The following DCC variants were observed in gnomAD, a reference collection of about 807,000 sequenced individuals.
DCC encodes the protein netrin receptor DCC.
Under a neutral mutation model 172.5 loss-of-function variants are expected in DCC, and 58 were observed. The ratio of observed to expected loss-of-function variants is 0.34; its 90% confidence interval spans 0.27 to 0.42. DCC has a LOEUF of 0.42. Among genes scored for constraint, DCC ranks in the 10% least tolerant of loss-of-function variants. DCC has a pLI of 1.00. For missense variants in DCC, 1,740 were observed against 1,791.0 expected, an observed-to-expected ratio of 0.97 and a Z score of 0.51; for synonymous variants, 709 against 644.5, an observed-to-expected ratio of 1.10 and a Z score of -1.52.
At chr18:53,229,068 A>C (rs2056083666) in intron 12 of DCC, among the ~76,000 whole-genome samples, 1 of 152,178 alleles carries the variant, frequency 6.6e-6, no homozygotes, top group Admixed American at 6.6e-5. Flanking sequence ...TAGGTCTTTA[A>C]GCCAGAAACT....
intron 7 of DCC, among the ~76,000 whole-genome samples, chr18:53,107,327 A>G (rs753057649): frequency 6.6e-6 from 1 of 151,880 alleles, no homozygotes; most frequent in African/African-American, 2.4e-5. Context: ...GTCTTATGTG[A>G]TAGAAGTAGA....
chr18:52,489,757 A>G (rs140973583), intron 1 of DCC, among the ~76,000 whole-genome samples: 2 of 152,120 alleles, frequency 1.3e-5, no homozygotes, highest in Admixed American at 1.3e-4. Flanking sequence ...GACAGGACTC[A>G]CAGAACATAG....
chr18:52,413,499 A>G (rs1463244542), intron 1 of DCC, among the ~76,000 whole-genome samples: 2 of 151,986 alleles, frequency 1.3e-5, no homozygotes, highest in African/African-American at 4.8e-5. Flanking sequence ...ATATGTAGAG[A>G]TAAATATTTG....
chr18:52,786,490 T>C (rs1348368149), intron 2 of DCC, among the ~76,000 whole-genome samples: 1 of 152,118 alleles, frequency 6.6e-6, no homozygotes, highest in Non-Finnish European at 1.5e-5. Flanking sequence ...TAGGACCATG[T>C]TGTTTGTAGA....
intron 3 of DCC, among the ~76,000 whole-genome samples, chr18:52,913,212 A>G (rs752285297): frequency 1.3e-5 from 2 of 152,094 alleles, no homozygotes; most frequent in African/African-American, 2.4e-5. Flanking sequence ...CCAATGTGCA[A>G]TAACCAAGGT....
At chr18:53,177,265 G>T (rs1426101759) in intron 8 of DCC, among the ~76,000 whole-genome samples, 3 of 151,870 alleles carry the variant, frequency 2.0e-5, no homozygotes, top group Admixed American at 6.6e-5. Flanking sequence ...CACCAGCATG[G>T]CACATGTATA....
At chr18:52,875,517 A>G (rs545623056) in intron 2 of DCC, among the ~76,000 whole-genome samples, 2 of 152,334 alleles carry the variant, frequency 1.3e-5, no homozygotes, top group Non-Finnish European at 2.9e-5. Context: ...GTTACGTAGA[A>G]TGGTGGTCTC....
At position 53,335,366 on chromosome 18, in the gene DCC, C is replaced by A. The variant is rs780570430; in HGVS notation, c.2165-4347C>A. Among the ~76,000 whole-genome samples the A allele has an allele frequency of 2.8e-4, 42 of 152,222 alleles. No homozygotes were observed. In the South Asian group the frequency reaches 6.8e-3, roughly 25 times the overall value. On this transcript the variant is annotated intron_variant, in intron 14 of 28. Coordinates refer to ENST00000442544, the MANE Select transcript of DCC (RefSeq NM_005215.4). ...TTATGTTTTGTCTTTCCTCTCCCAC[C>A]ACTATATTTTTAGTACCTAGAACTA... is the stretch of plus-strand genomic sequence containing the variant.
At chr18:53,401,606 G>GAATTAGAGACTGATTTCT (rs143331530) in intron 18 of DCC, among the ~76,000 whole-genome samples, 63,896 of 151,370 alleles carry the variant, frequency 0.42, 15,226 homozygotes, top group Non-Finnish European at 0.55. Context: ...GATGAGTTCA[G>GAATTAGAGACTGATTTCT]AATTAGAGAC....
At chr18:53,204,369 C>A (rs1051994103) in intron 9 of DCC, among the ~76,000 whole-genome samples, 1 of 151,922 alleles carries the variant, frequency 6.6e-6, no homozygotes, top group Non-Finnish European at 1.5e-5. Flanking sequence ...TAGTGAGACC[C>A]AGTATCTACA....
rs533696530 is a variant in DCC, at chr18:52,991,382, A to G, written c.985+66012A>G. Among the ~76,000 whole-genome samples, 3 of 152,346 alleles carry G rather than the reference A, an allele frequency of 2.0e-5. No individual in the cohort carries two copies. The East Asian group carries it at 5.8e-4, about 29-fold the overall frequency. On this transcript the variant is annotated intron_variant, in intron 5 of 28. Coordinates refer to ENST00000442544, the MANE Select transcript of DCC (RefSeq NM_005215.4). ...AAGTTATGTTGGACAGAGAATAGAT[A>G]TTACCACACACTTATTGGCAGATTG...
intron 1 of DCC, among the ~76,000 whole-genome samples, chr18:52,410,406 TG>T (rs1986804554): frequency 6.6e-6 from 1 of 152,136 alleles, no homozygotes; most frequent in Non-Finnish European, 1.5e-5. Context: ...CATTCCAGCT[TG>T]GGTTATAGAG....
In DCC at chr18:53,215,591, T is replaced by A; in HGVS notation, c.1905T>A (p.Asn635Lys). 2 of 1,613,430 alleles carry A rather than the reference T, an allele frequency of 1.2e-6. No individual in the cohort carries two copies. The highest frequency in any genetic ancestry group is 8.5e-7 in the Non-Finnish European group (1 of 1,179,408). The change falls in exon 12 of 29, where the codon AAT becomes AAA. Residue 635 changes from asparagine (N) to lysine (K), a missense_variant. By Grantham distance (94) the Asn-to-Lys change is moderately conservative (BLOSUM62 0). Coordinates refer to ENST00000442544, the MANE Select transcript of DCC (RefSeq NM_005215.4). ...AGAACGTCTCCCTGGAAGTGGTCAA[T>A]TCAAGAGTAAGTTGGCTAAATGTTC... ...PPQNVSLEVV[N>K]SRSIKVSWLP... is the part of the protein sequence containing the mutation.
intron 2 of DCC, among the ~76,000 whole-genome samples, chr18:52,822,544 C>T (rs756197874): frequency 6.6e-6 from 1 of 152,208 alleles, no homozygotes; most frequent in Non-Finnish European, 1.5e-5. Flanking sequence ...TAAGCCCCTG[C>T]AACAGCCAAA....
intron 1 of DCC, among the ~76,000 whole-genome samples, chr18:52,738,659 T>G (rs1431154973): frequency 6.6e-6 from 1 of 152,118 alleles, no homozygotes; most frequent in African/African-American, 2.4e-5. Context: ...ATTTTAAAAA[T>G]TATTTTCTTC....
chr18:52,523,597 G>A (rs2031888239), intron 1 of DCC, among the ~76,000 whole-genome samples: 1 of 152,138 alleles, frequency 6.6e-6, no homozygotes, highest in African/African-American at 2.4e-5. Context: ...TTCAAAAGCT[G>A]CATTAACTCT....
chr18:53,063,034 T>C (rs892787757), intron 5 of DCC, among the ~76,000 whole-genome samples: 5 of 152,218 alleles, frequency 3.3e-5, no homozygotes, highest in African/African-American at 1.2e-4. Flanking sequence ...TTCAGAATGT[T>C]TATTATGTAT....
intron 2 of DCC, among the ~76,000 whole-genome samples, chr18:52,878,263 A>G (rs768648988): frequency 1.2e-4 from 19 of 152,194 alleles, no homozygotes; most frequent in Non-Finnish European, 2.1e-4. Context: ...AATACATTCT[A>G]TAAAACCTAA....
intron 9 of DCC, among the ~76,000 whole-genome samples, chr18:53,194,840 A>G (rs570907222): frequency 6.6e-6 from 1 of 152,292 alleles, no homozygotes; most frequent in East Asian, 1.9e-4. Flanking sequence ...ATGGAATGCT[A>G]TGTTTTCCAT....
Sources: gnomAD v4.1 joint callset for allele counts (sites outside exome capture counted in the v4.1 genomes callset) on GRCh38, gnomAD v4.1.1 for gene constraint, MANE v1.5 for transcripts, NCBI Gene and HGNC (gene_info 2026-07-23, HGNC 2026-07-21) for gene names.